The following CFAP53 variants were observed in gnomAD, a reference collection of about 807,000 sequenced individuals.
CFAP53 encodes the protein cilia and flagella associated protein 53, also known as cilia- and flagella-associated protein 53.
A neutral mutation model predicts 59.7 loss-of-function variants in CFAP53; 62 were observed. The observed-to-expected ratio is 1.04, with a 90% CI of 0.85 to 1.28. The LOEUF (loss-of-function observed/expected upper bound fraction) is 1.28. Ranked by LOEUF, CFAP53 falls within the 50% of genes most tolerant of loss-of-function variation. The probability of loss-of-function intolerance (pLI) is 0.00; values close to 1 mark genes in which losing one functional copy is unlikely to be tolerated. For missense variants in CFAP53, 629 were observed against 615.6 expected (o/e 1.02, Z -0.23); for synonymous variants, 218 against 205.7 (o/e 1.06, Z -0.51).
chr18:50,243,569 C>T (rs906787740), intron 5 of CFAP53, among the ~76,000 whole-genome samples: 1 of 152,194 alleles, frequency 6.6e-6, no homozygotes, highest in African/African-American at 2.4e-5. Context: ...TATTAGAGCA[C>T]TGTCTCTCTG....
chr18:50,257,734 A>G (rs2033858329), intron 3 of CFAP53, among the ~76,000 whole-genome samples: 1 of 152,216 alleles, frequency 6.6e-6, no homozygotes, highest in South Asian at 2.1e-4. Context: ...TACCAATAAC[A>G]TTCTTCACAG....
chr18:50,255,754 C>T (rs2033841721), intron 3 of CFAP53, among the ~76,000 whole-genome samples: 1 of 151,670 alleles, frequency 6.6e-6, no homozygotes, highest in Non-Finnish European at 1.5e-5. Flanking sequence ...CATATGCCAT[C>T]AAAGGACATG....
At position 50,251,442 on chromosome 18, in the gene CFAP53, G is replaced by A. The variant is rs1299653565; in HGVS notation, c.777+39C>T. 9 of 1,555,784 alleles carry A rather than the reference G, an allele frequency of 5.8e-6. No individual in the cohort carries two copies. In the South Asian group the frequency reaches 9.2e-5, roughly 16 times the overall value. ...GGCCTGCAAACTGTACTACACCCAT[G>A]GCGTTGATCACCCTCTAACAAGCAT... is the stretch of plus-strand genomic sequence containing the variant. On this transcript the variant is annotated intron_variant, in intron 4 of 7. Coordinates refer to ENST00000398545, the MANE Select transcript of CFAP53 (RefSeq NM_145020.5).
intron 6 of CFAP53, 127 bp downstream of exon 6, chr18:50,242,773 C>T (rs2033703038): frequency 1.2e-5 from 9 of 769,362 alleles, no homozygotes; most frequent in Non-Finnish European, 1.9e-5. Flanking sequence ...AACAGGCCTC[C>T]TGCCTTCATC....
intron 1 of CFAP53, among the ~76,000 whole-genome samples, chr18:50,264,499 C>T (rs565015520): frequency 6.6e-6 from 1 of 152,338 alleles, no homozygotes; most frequent in East Asian, 1.9e-4. Context: ...AGGAGACACT[C>T]ATCAAATAGC....
chr18:50,233,317 C>T (rs562637575), intron 7 of CFAP53, among the ~76,000 whole-genome samples: 245 of 152,280 alleles, frequency 1.6e-3, no homozygotes, highest in Non-Finnish European at 2.6e-3. Context: ...TCCTTTAGAC[C>T]TTACTCTTAA....
chr18:50,231,754 G>A (rs1260283116), intron 7 of CFAP53, among the ~76,000 whole-genome samples: 1 of 152,198 alleles, frequency 6.6e-6, no homozygotes, highest in Non-Finnish European at 1.5e-5. Context: ...ATCCCTACGT[G>A]TGATGCGACT....
chr18:50,245,130 C>A (rs1334360974), intron 5 of CFAP53, among the ~76,000 whole-genome samples: 2 of 150,998 alleles, frequency 1.3e-5, no homozygotes, highest in Non-Finnish European at 2.9e-5. Context: ...CGCCTGTAAT[C>A]CCAGCACTTT....
At chr18:50,235,729 G>T (rs1253017830) in intron 7 of CFAP53, among the ~76,000 whole-genome samples, 1 of 152,166 alleles carries the variant, frequency 6.6e-6, no homozygotes, top group East Asian at 1.9e-4. Flanking sequence ...TCCTTTGGAT[G>T]CAACAGGACA....
At chr18:50,251,985 A>G (rs1166662333) in intron 3 of CFAP53, among the ~76,000 whole-genome samples, 1 of 152,202 alleles carries the variant, frequency 6.6e-6, no homozygotes, top group Non-Finnish European at 1.5e-5. Flanking sequence ...ACTGGAGTAA[A>G]GCAAAGGCAG....
chr18:50,230,884 TG>T (rs1266513410), intron 7 of CFAP53, among the ~76,000 whole-genome samples: 2 of 152,214 alleles, frequency 1.3e-5, no homozygotes, highest in Admixed American at 6.5e-5. Flanking sequence ...TACCCCTCTA[TG>T]GCAGATTCTA....
At chr18:50,239,688 A>C (rs921035689) in intron 6 of CFAP53, among the ~76,000 whole-genome samples, 2 of 152,240 alleles carry the variant, frequency 1.3e-5, no homozygotes, top group African/African-American at 4.8e-5. Flanking sequence ...CAGTCATTAC[A>C]AATCTTATAA....
Position 50,242,945 on chromosome 18 carries a change from C to T in CFAP53, c.1168G>A (p.Val390Met). ...RLEKEARRQL[V>M]DEVMCTRKLQ... ...TTTCTTGTACACATGACCTCATCCA[C>T]AAGCTGTCTCCTTGCCTCCTTTTCA... The change falls in exon 6 of 8, where the codon GTG (valine) becomes ATG (methionine). Residue 390 changes from valine (V) to methionine (M), a missense_variant. By Grantham distance (21) the Val-to-Met change is conservative. Transcript: ENST00000398545. The T allele has an allele frequency of 1.2e-6, 2 of 1,614,030 alleles. No homozygotes were observed. The highest frequency in any genetic ancestry group is 1.1e-5 in the South Asian group (1 of 91,084).
chr18:50,257,441 A>G (rs1162241522), intron 3 of CFAP53, among the ~76,000 whole-genome samples: 2 of 152,266 alleles, frequency 1.3e-5, no homozygotes, highest in African/African-American at 2.4e-5. Context: ...CAAAATCAAC[A>G]TACAAAAACC....
At chr18:50,259,419 G>C (rs2033871639) in intron 3 of CFAP53, among the ~76,000 whole-genome samples, 2 of 148,740 alleles carry the variant, frequency 1.3e-5, no homozygotes, top group Non-Finnish European at 3.0e-5. Context: ...TGAACTCATG[G>C]AGATAGAGAA....
At chr18:50,256,942 C>T (rs1378554368) in intron 3 of CFAP53, among the ~76,000 whole-genome samples, 1 of 148,604 alleles carries the variant, frequency 6.7e-6, no homozygotes, top group African/African-American at 2.5e-5. Context: ...CCTTGCCCCA[C>T]TCATACTAGA....
chr18:50,239,307 T>A (rs960340873), intron 6 of CFAP53, among the ~76,000 whole-genome samples: 5 of 151,832 alleles, frequency 3.3e-5, no homozygotes, highest in Non-Finnish European at 5.9e-5. Context: ...AGTGCCTAGA[T>A]CGTGCCACTG....
intron 3 of CFAP53, chr18:50,256,172 C>T (rs2033845359): frequency 1.3e-5 from 2 of 152,270 alleles, no homozygotes; most frequent in Middle Eastern, 3.4e-3. Flanking sequence ...AAAAGCACAA[C>T]CACTTACGAA....
In CFAP53 at chr18:50,261,081, C is replaced by A. The variant is rs755848508; in HGVS notation, c.456G>T (p.Lys152Asn). Reference protein sequence around the residue: ...EKERQDFVAEKLDQQFRERCE... With the variant: ...EKERQDFVAENLDQQFRERCE... ...TTCATTACCTGAATTGCTGGTCTAG[C>A]TTTTCAGCCACAAAATCCTGCCTCT... The change falls in exon 3 of 8, where the codon AAG becomes AAT. Residue 152 changes from lysine to asparagine, a missense_variant. Coordinates refer to ENST00000398545, the MANE Select transcript of CFAP53 (RefSeq NM_145020.5). 2.5e-6 allele frequency: 4 copies of A among 1,597,904 alleles called. No individual in the cohort carries two copies. The highest frequency in any genetic ancestry group is 3.4e-6 in the Non-Finnish European group (4 of 1,176,050).
Sources: allele counts gnomAD v4.1 joint callset (sites outside exome capture counted in the v4.1 genomes callset), GRCh38; gene constraint gnomAD v4.1.1; transcripts MANE v1.5; gene names NCBI Gene and HGNC (gene_info 2026-07-23, HGNC 2026-07-21).